The following CROCC variants were observed in gnomAD, a reference collection of about 807,000 sequenced individuals.
CROCC encodes the protein rootletin.
Under a neutral mutation model 245.2 loss-of-function variants are expected in CROCC, and 180 were observed. That is an observed-to-expected ratio of 0.73 (90% CI 0.65 to 0.83). CROCC has a LOEUF of 0.83. Ranked by LOEUF, CROCC falls within the 40% of genes least tolerant of loss-of-function variation. The probability of loss-of-function intolerance (pLI) is 0.00; values close to 1 mark genes in which losing one functional copy is unlikely to be tolerated. For synonymous variants in CROCC, 1,205 were observed against 1,241.6 expected (o/e 0.97, Z 0.62); for missense variants, 2,688 against 2,779.4 (o/e 0.97, Z 0.74).
Position 16,940,098 on chromosome 1 carries a change from C to G in CROCC, c.1808+5C>G. 2 of 1,596,722 alleles carry G rather than the reference C, an allele frequency of 1.3e-6. No individual in the cohort carries two copies. Among genetic ancestry groups the G allele is most frequent in the Non-Finnish European group, 1.7e-6 (2 of 1,173,704 alleles). ...CGCCAACGAGCTCCTGAGCAGGTGC[C>G]GGGGAGGTCTGAGCTGGGGGGTACT... On this transcript the variant is annotated splice_donor_5th_base_variant and intron_variant, in intron 13 of 36. Coordinates refer to ENST00000375541, the MANE Select transcript of CROCC (RefSeq NM_014675.5).
At position 16,922,098 on chromosome 1, in the gene CROCC, C is replaced by G; in HGVS notation, c.60+20C>G. On this transcript the variant is annotated intron_variant, in intron 1 of 36. Coordinates refer to ENST00000375541, the MANE Select transcript of CROCC (RefSeq NM_014675.5). ...ATCCAGGTGGGTCCTGGGGGCTGTGCCCACCCTGTCTGGGGCGGGGCAGCG... is the reference window on the plus strand; with the variant it reads ...ATCCAGGTGGGTCCTGGGGGCTGTGGCCACCCTGTCTGGGGCGGGGCAGCG... 6.5e-7 allele frequency: 1 copy of G among 1,533,078 alleles called. No homozygotes were observed. Among genetic ancestry groups the G allele is most frequent in the Non-Finnish European group, 8.8e-7 (1 of 1,137,726 alleles). 95.0% of individuals were successfully genotyped at this position (1,533,078 alleles called of 1,614,324 possible).
At chr1:16,918,178 C>G (rs1258286536), upstream of CROCC, among the ~76,000 whole-genome samples, 15 of 149,096 alleles carry the variant, frequency 1.0e-4, no homozygotes, top group Admixed American at 6.1e-4. Context: ...AACTGAAGCT[C>G]AGAGAAGTGA....
chr1:16,938,261 T>A, intron 10 of CROCC, 139 bp from the exon 11 acceptor site: 1 of 729,886 alleles, frequency 1.4e-6, no homozygotes, highest in Non-Finnish European at 2.3e-6. Context: ...GGGCCTGCTG[T>A]GGGGTCTACC....
chr1:16,957,997 C>CG (rs138018623), intron 25 of CROCC, among the ~76,000 whole-genome samples: 2,317 of 115,122 alleles, frequency 0.02, 62 homozygotes, highest in African/African-American at 0.061. Flanking sequence ...AGGCAGTACC[C>CG]CTCCCTGCTC....
At chr1:16,955,677 C>T (rs186194235) in intron 24 of CROCC, 127 bp downstream of exon 24, 3 of 910,628 alleles carry the variant, frequency 3.3e-6, no homozygotes, top group African/African-American at 3.4e-5. Context: ...CAGAGCCTGG[C>T]ACCTGGGTGA....
chr1:16,938,584 G>T, intron 11 of CROCC, 101 bp downstream of exon 11: 1 of 1,155,090 alleles, frequency 8.7e-7, no homozygotes. Context: ...AAATGGGTGG[G>T]GGCCTGGGAC....
intron 25 of CROCC, among the ~76,000 whole-genome samples, chr1:16,957,225 A>C (rs2076262886): frequency 6.6e-6 from 1 of 152,062 alleles, no homozygotes; most frequent in Non-Finnish European, 1.5e-5. Flanking sequence ...CAGGCAACAT[A>C]GTGAGAACCA....
At position 16,958,543 on chromosome 1, in the gene CROCC, G is replaced by C. The variant is rs1160678731; in HGVS notation, c.3865-40G>C. The C allele has an allele frequency of 4.5e-6, 7 of 1,548,132 alleles. No homozygotes were observed. In the African/African-American group the frequency reaches 8.2e-5, roughly 18 times the overall value. ...TTGGGCCAGAACTGGGAGGGTACAG[G>C]GGCAGAGCTGAACCTGCTGCCATTC... On this transcript the variant is annotated intron_variant, in intron 25 of 36. Transcript: ENST00000375541.
upstream of CROCC, among the ~76,000 whole-genome samples, chr1:16,920,542 C>T (rs1173557494): frequency 1.3e-5 from 2 of 152,248 alleles, no homozygotes; most frequent in African/African-American, 4.8e-5. Flanking sequence ...AGGGAGGTAA[C>T]CTGTTCAAGG....
At chr1:16,946,111 A>ATT in intron 15 of CROCC, 148 bp from the exon 16 acceptor site, 29 of 756,866 alleles carry the variant, frequency 3.8e-5, no homozygotes, top group South Asian at 9.6e-5. Context: ...TTCTGCGGTG[A>ATT]TTTTTTTTTT....
In CROCC at chr1:16,951,005, T is replaced by C. The variant is rs2076150550; in HGVS notation, c.2889T>C (p.Ser963=). Residue 963 remains serine (S), a synonymous_variant, in exon 20 of 37, where the codon AGT becomes AGC. Transcript: ENST00000375541. ...QQIIATQEKA[S]LDKELMAQKL... ...TAATAGCTACACAGGAGAAAGCCAGTCTAGACAAGGAGCTGATGGCCCAGA... is the reference window on the plus strand; with the variant it reads ...TAATAGCTACACAGGAGAAAGCCAGCCTAGACAAGGAGCTGATGGCCCAGA... The C allele has an allele frequency of 6.2e-7, 1 of 1,604,194 alleles. No individual in the cohort carries two copies. Among genetic ancestry groups the C allele is most frequent in the African/African-American group, 1.3e-5 (1 of 74,596 alleles).
intron 8 of CROCC, among the ~76,000 whole-genome samples, chr1:16,931,719 A>G (rs2075681364): frequency 6.6e-6 from 1 of 152,272 alleles, no homozygotes; most frequent in African/African-American, 2.4e-5. Flanking sequence ...CTGAGGTCAC[A>G]CAGTAGTACA....
intron 35 of CROCC, among the ~76,000 whole-genome samples, chr1:16,971,210 AGTGT>A (rs34364208): frequency 0.2 from 28,786 of 143,820 alleles, 3,066 homozygotes; most frequent in East Asian, 0.47. Flanking sequence ...ATGATGTCTG[AGTGT>A]GTGTGTGTGT....
At chr1:16,937,016 G>A (rs550905334) in intron 9 of CROCC, 143 bp downstream of exon 9, 11 of 904,154 alleles carry the variant, frequency 1.2e-5, no homozygotes, top group African/African-American at 6.5e-5. Context: ...CTGAGGTTCC[G>A]AAGGCACTTG....
chr1:16,967,040 G>A (rs1023026766), intron 30 of CROCC, among the ~76,000 whole-genome samples: 1 of 135,608 alleles, frequency 7.4e-6, no homozygotes, highest in Non-Finnish European at 1.6e-5. Context: ...GGCAGAGTGA[G>A]ACCCTGTAAA....
chr1:16,939,881 CCCCACA>C lies in CROCC; in HGVS notation c.1609-9_1609-4del. On this transcript the variant is annotated splice_region_variant and splice_polypyrimidine_tract_variant and intron_variant, in intron 12 of 36. Transcript: ENST00000375541. ...TCAGGCCCCCCCAGACTCTGTGACCCCCCACACCCCAGGACATGCGTGGGCGCTATG... is the reference window on the plus strand; with the variant it reads ...TCAGGCCCCCCCAGACTCTGTGACCCCCCCAGGACATGCGTGGGCGCTATG... 1 of 1,611,552 alleles carries C rather than the reference CCCCACA, an allele frequency of 6.2e-7. No individual in the cohort carries two copies. The highest frequency in any genetic ancestry group is 8.5e-7 in the Non-Finnish European group (1 of 1,179,518).
At position 16,969,925 on chromosome 1, in the gene CROCC, G is replaced by A; in HGVS notation, c.5442G>A (p.Gln1814=). 1 of 1,594,862 alleles carries A rather than the reference G, an allele frequency of 6.3e-7. No individual in the cohort carries two copies. Residue 1814 remains glutamine (Q), a synonymous_variant, in exon 33 of 37, where the codon CAG becomes CAA. Transcript: ENST00000375541. ...TGGAGGCCGAGGGCCAGCTACAACAGCTACGGGAGGTGAGGGCCAGGGTGT... is the reference window on the plus strand; with the variant it reads ...TGGAGGCCGAGGGCCAGCTACAACAACTACGGGAGGTGAGGGCCAGGGTGT... ...QRVEAEGQLQ[Q]LREVLRQRQE...
In CROCC at chr1:16,960,745, G is replaced by A. The variant is rs1238782698; in HGVS notation, c.4033-13G>A. On this transcript the variant is annotated splice_polypyrimidine_tract_variant and intron_variant, in intron 26 of 36. Transcript: ENST00000375541. ...GAGGTCTTGCCGACCTCCACCTCCT[G>A]GCATCACTCCAGCTCCAGGTAGCCC... 8 of 1,504,388 alleles carry A rather than the reference G, an allele frequency of 5.3e-6. No homozygotes were observed. The highest frequency in any genetic ancestry group is 7.1e-6 in the Non-Finnish European group (8 of 1,130,256). The allele number at this position is 1,504,388 out of a possible 1,614,324, so 93.2% of individuals were successfully genotyped here.
At chr1:16,935,321 C>T (rs2075764772) in intron 8 of CROCC, among the ~76,000 whole-genome samples, 1 of 152,272 alleles carries the variant, frequency 6.6e-6, no homozygotes, top group Non-Finnish European at 1.5e-5. Context: ...GGTAAAATTT[C>T]ATCTTCACAG....
Sources: allele counts gnomAD v4.1 joint callset (sites outside exome capture counted in the v4.1 genomes callset), GRCh38; gene constraint gnomAD v4.1.1; transcripts MANE v1.5; gene names NCBI Gene and HGNC (gene_info 2026-07-23, HGNC 2026-07-21).